Variants in NAALADL2 observed in about 807,000 individuals in gnomAD.
NAALADL2 encodes the protein inactive N-acetylated-alpha-linked acidic dipeptidase-like protein 2.
A neutral mutation model predicts 87.2 loss-of-function variants in NAALADL2; 76 were observed. That is an observed-to-expected ratio of 0.87 (90% CI 0.72 to 1.05). The LOEUF (loss-of-function observed/expected upper bound fraction) is 1.05, where lower values mean the gene tolerates loss of function less well. NAALADL2 is among the 50% of genes least tolerant of loss of function. The pLI is 0.00. For missense variants in NAALADL2, 1,089 were observed against 945.8 expected (o/e 1.15, Z -1.99); for synonymous variants, 354 against 331.0 (o/e 1.07, Z -0.75).
chr3:174,458,996 G>C (rs1006972594), intron 1 of NAALADL2, among the ~76,000 whole-genome samples: 1 of 152,142 alleles, frequency 6.6e-6, no homozygotes, highest in Non-Finnish European at 1.5e-5. Flanking sequence ...AGTAGGGGGA[G>C]GTGAGTTGGA....
At chr3:174,818,344 C>T (rs1387361418) in intron 3 of NAALADL2, among the ~76,000 whole-genome samples, 4 of 152,000 alleles carry the variant, frequency 2.6e-5, no homozygotes, top group Non-Finnish European at 4.4e-5. Flanking sequence ...AGAGCTTCTT[C>T]TTGAAATACC....
chr3:175,169,321 G>A (rs1734443242), intron 2 of NAALADL2, among the ~76,000 whole-genome samples: 1 of 151,412 alleles, frequency 6.6e-6, no homozygotes. Flanking sequence ...TATTTCTGAA[G>A]TCTGGACAGC....
At chr3:174,946,590 AATC>A (rs1739459953) in intron 1 of NAALADL2, among the ~76,000 whole-genome samples, 1 of 152,300 alleles carries the variant, frequency 6.6e-6, no homozygotes, top group Non-Finnish European at 1.5e-5. Flanking sequence ...TTCTTTTATT[AATC>A]ATTTTTATTT....
intron 9 of NAALADL2, among the ~76,000 whole-genome samples, chr3:175,572,541 G>A (rs1250271238): frequency 6.6e-6 from 1 of 152,178 alleles, no homozygotes; most frequent in Non-Finnish European, 1.5e-5. Context: ...GTTTGGGGGA[G>A]TGTAATCTTG....
At chr3:175,144,568 T>C (rs903101659) in intron 2 of NAALADL2, among the ~76,000 whole-genome samples, 11 of 151,982 alleles carry the variant, frequency 7.2e-5, no homozygotes, top group African/African-American at 2.4e-4. Context: ...GATGGCCACT[T>C]TTAGCACCTT....
intron 1 of NAALADL2, among the ~76,000 whole-genome samples, chr3:175,013,267 TTA>T (rs1451716160): frequency 9.2e-6 from 1 of 109,242 alleles, no homozygotes; most frequent in African/African-American, 4.3e-5. Context: ...ACATATATTT[TTA>T]TATATATACA....
Position 174,962,412 on chromosome 3 carries a change from C to CATATAT in NAALADL2, c.43+102977_43+102982dup, listed in dbSNP as rs59026426. Among the ~76,000 whole-genome samples the CATATAT allele has an allele frequency of 1.4e-3, 122 of 88,992 alleles. 3 individuals are homozygous for CATATAT. The highest frequency in any genetic ancestry group is 6.1e-3 in the African/African-American group (111 of 18,130). The allele number at this position is 88,992 out of a possible 152,430, so 58.4% of individuals were successfully genotyped here. A position where few individuals can be genotyped will look rare whatever the true frequency, so the allele number is the denominator to read the frequency against. On this transcript the variant is annotated intron_variant, in intron 1 of 13. Coordinates refer to ENST00000454872, the MANE Select transcript of NAALADL2 (RefSeq NM_207015.3). ...TATATATATGTCATAGTGACTATGACATATATATATATATATATATGTATA... is the reference window on the plus strand; with the variant it reads ...TATATATATGTCATAGTGACTATGACATATATATATATATATATATATATATGTATA...
At chr3:175,745,036 T>C (rs926703317) in intron 12 of NAALADL2, among the ~76,000 whole-genome samples, 24 of 152,178 alleles carry the variant, frequency 1.6e-4, no homozygotes, top group Non-Finnish European at 7.4e-5. Flanking sequence ...TGAAGGTCTC[T>C]GAAACCCAAT....
chr3:175,151,069 A>G (rs1731477113), intron 2 of NAALADL2, among the ~76,000 whole-genome samples: 1 of 152,194 alleles, frequency 6.6e-6, no homozygotes. Flanking sequence ...TTACCAAAAT[A>G]AAAAGACACA....
At chr3:175,118,105 G>A (rs759216427) in intron 2 of NAALADL2, among the ~76,000 whole-genome samples, 45 of 112,704 alleles carry the variant, frequency 4.0e-4, no homozygotes, top group Admixed American at 1.0e-3. Context: ...TCACACACTG[G>A]GGCCTGTCGT....
intron 5 of NAALADL2, among the ~76,000 whole-genome samples, chr3:175,361,639 G>T (rs1455878749): frequency 6.7e-6 from 1 of 148,292 alleles, no homozygotes; most frequent in Admixed American, 6.9e-5. Flanking sequence ...ATTTTTTCAT[G>T]TGTCTTTTGG....
chr3:174,925,318 TA>T (rs1735841207), intron 1 of NAALADL2, among the ~76,000 whole-genome samples: 1 of 152,222 alleles, frequency 6.6e-6, no homozygotes, highest in African/African-American at 2.4e-5. Context: ...CACCATTTAT[TA>T]AAAAGGGAAT....
intron 5 of NAALADL2, among the ~76,000 whole-genome samples, chr3:175,376,439 A>T (rs1255874317): frequency 2.0e-5 from 3 of 151,972 alleles, no homozygotes; most frequent in African/African-American, 4.8e-5. Context: ...TGCTTTAATG[A>T]TGTTGTTCTA....
chr3:174,449,491 C>G (rs975016672), intron 1 of NAALADL2, among the ~76,000 whole-genome samples: 3 of 152,146 alleles, frequency 2.0e-5, no homozygotes, highest in African/African-American at 7.2e-5. Flanking sequence ...TTAGTAGTGT[C>G]TGAGAAATCC....
intron 1 of NAALADL2, among the ~76,000 whole-genome samples, chr3:174,462,401 C>T (rs534192269): frequency 2.0e-4 from 31 of 152,140 alleles, no homozygotes; most frequent in Non-Finnish European, 3.5e-4. Context: ...AGAGTTTCTC[C>T]TCTCTATGAT....
At chr3:174,583,876 C>T (rs1162678206) in intron 2 of NAALADL2, among the ~76,000 whole-genome samples, 1 of 152,144 alleles carries the variant, frequency 6.6e-6, no homozygotes. Flanking sequence ...ACACAAGGGA[C>T]TCATCACAAG....
chr3:174,802,921 T>A (rs1719012222), intron 3 of NAALADL2, among the ~76,000 whole-genome samples: 1 of 152,194 alleles, frequency 6.6e-6, no homozygotes, highest in Admixed American at 6.5e-5. Flanking sequence ...TTTGCTCTTG[T>A]GAATAGTGCA....
At chr3:175,014,527 T>TATAAAAA (rs1750567938) in intron 1 of NAALADL2, among the ~76,000 whole-genome samples, 1 of 152,172 alleles carries the variant, frequency 6.6e-6, no homozygotes, top group Non-Finnish European at 1.5e-5. Context: ...TGTCATAAAA[T>TATAAAAA]ATAGGTTGAA....
At chr3:175,745,141 G>A (rs7637537) in intron 12 of NAALADL2, among the ~76,000 whole-genome samples, 37,715 of 151,960 alleles carry the variant, frequency 0.25, 5,108 homozygotes, top group African/African-American at 0.35. Context: ...ATTCTCAACC[G>A]TTCTCACAAC....
Sources: allele counts gnomAD v4.1 joint callset (sites outside exome capture counted in the v4.1 genomes callset), GRCh38; gene constraint gnomAD v4.1.1; transcripts MANE v1.5; gene names NCBI Gene and HGNC (gene_info 2026-07-23, HGNC 2026-07-21).